SLC27A3: variants seen among roughly 807,000 people sequenced by gnomAD.
SLC27A3 encodes solute carrier family 27 member 3.
Under a neutral mutation model 60.1 loss-of-function variants are expected in SLC27A3, and 60 were observed. The observed-to-expected ratio is 1.00, with a 90% CI of 0.81 to 1.24. SLC27A3 has a LOEUF of 1.24. SLC27A3 is among the 50% of genes most tolerant of loss of function. The pLI, the probability that SLC27A3 is intolerant of heterozygous loss-of-function variation, is 0.00. For synonymous variants in SLC27A3, 455 were observed against 409.0 expected (o/e 1.11, Z -1.36); for missense variants, 1,079 against 929.9 (o/e 1.16, Z -2.09).
In SLC27A3 at chr1:153,779,532, A is replaced by T. The variant is rs933568626; in HGVS notation, c.1875+59A>T. On this transcript the variant is annotated intron_variant, in intron 9 of 9. Transcript: ENST00000624995. ...CCATATATCCTCACCCCACATATCC[A>T]CCCCGTGTATCAACTTAGGAGTTTG... 3 of 1,555,766 alleles carry T rather than the reference A, an allele frequency of 1.9e-6. No individual in the cohort carries two copies. The African/African-American group carries it at 4.2e-5, about 22-fold the overall frequency.
rs200975179 is a variant in SLC27A3, at chr1:153,775,763, G to T, written c.266G>T (p.Arg89Leu). The T allele has an allele frequency of 2.0e-5, 30 of 1,505,240 alleles. No individual in the cohort carries two copies. The Admixed American group carries it at 3.0e-4, about 15-fold the overall frequency. The allele number at this position is 1,505,240 out of a possible 1,614,324, so 93.2% of individuals were successfully genotyped here. A position where few individuals can be genotyped will look rare whatever the true frequency, so the allele number is the denominator to read the frequency against. ...AAHTFLIHGS[R>L]RFSYSEAERE... The stretch of plus-strand genomic sequence containing the variant: ...CACACCTTTCTCATTCACGGCTCGC[G>T]GCGCTTTAGCTACTCAGAGGCGGAG... The change falls in exon 1 of 10, where the codon CGG becomes CTG. Residue 89 changes from arginine (R) to leucine (L), a missense_variant. Arg to Leu is a moderately radical substitution (Grantham distance 102). Coordinates refer to ENST00000624995, the MANE Select transcript of SLC27A3 (RefSeq NM_024330.4).
intron 6 of SLC27A3, 61 bp downstream of exon 6, chr1:153,778,614 G>A: frequency 3.7e-6 from 6 of 1,608,858 alleles, no homozygotes; most frequent in Non-Finnish European, 5.1e-6. Context: ...GACTGGAATT[G>A]GAGACTGGGG....
rs1347591650 is a variant in SLC27A3, at chr1:153,779,485, C to G, written c.1875+12C>G. The G allele has an allele frequency of 2.5e-6, 4 of 1,608,472 alleles. No homozygotes were observed. The East Asian group carries it at 8.9e-5, about 36-fold the overall frequency. On this transcript the variant is annotated intron_variant, in intron 9 of 9. Coordinates refer to ENST00000624995, the MANE Select transcript of SLC27A3 (RefSeq NM_024330.4). ...TCCTCAGGCTCCAGGTAACCGGCCACTTCCCCCGCCGGCCCCTCACCCCAT... is the reference window on the plus strand; with the variant it reads ...TCCTCAGGCTCCAGGTAACCGGCCAGTTCCCCCGCCGGCCCCTCACCCCAT...
chr1:153,776,994 G>A, intron 2 of SLC27A3, 68 bp from the exon 3 acceptor site: 2 of 1,551,646 alleles, frequency 1.3e-6, no homozygotes, highest in Non-Finnish European at 1.8e-6. Context: ...CCCAGCGGGG[G>A]TGCAAACAGA....
Position 153,776,514 on chromosome 1 carries a change from C to G in SLC27A3, c.668-4C>G. On this transcript the variant is annotated splice_polypyrimidine_tract_variant and splice_region_variant and intron_variant, in intron 1 of 9. Transcript: ENST00000624995. Reference sequence around the variant, plus strand: ...CCCGGCGTTGTGCTTTCCCACCCTTCTAGAGTTTCTGGAGTCCCTGGAGCC... The same window carrying G: ...CCCGGCGTTGTGCTTTCCCACCCTTGTAGAGTTTCTGGAGTCCCTGGAGCC... 6.2e-7 allele frequency: 1 copy of G among 1,612,782 alleles called. No individual in the cohort carries two copies.
At position 153,778,867 on chromosome 1, in the gene SLC27A3, G is replaced by A. The variant is rs202116475; in HGVS notation, c.1628G>A (p.Arg543His). The A allele has an allele frequency of 2.7e-5, 44 of 1,614,130 alleles. No individual in the cohort carries two copies. The East Asian group carries it at 4.2e-4, about 16-fold the overall frequency. ...DDQGFLRFHDRTGDTFRWKGE... is the reference protein window; with the variant it reads ...DDQGFLRFHDHTGDTFRWKGE... ...CAAGGTTTTCTCCGCTTCCATGATC[G>A]TACTGGAGACACCTTCAGGTATCTG... is the stretch of plus-strand genomic sequence containing the variant. The change falls in exon 7 of 10, where the codon CGT becomes CAT. Residue 543 changes from arginine (R) to histidine (H), a missense_variant. By Grantham distance (29) the Arg-to-His change is conservative. Coordinates refer to ENST00000624995, the MANE Select transcript of SLC27A3 (RefSeq NM_024330.4).
At chr1:153,776,985 C>A in intron 2 of SLC27A3, 77 bp from the exon 3 acceptor site, 1 of 1,511,474 alleles carries the variant, frequency 6.6e-7, no homozygotes, top group Non-Finnish European at 9.1e-7. Flanking sequence ...TGTGGGAAAC[C>A]CAGCGGGGGT....
rs753336934 is a variant in SLC27A3, at chr1:153,775,491, G to A, written c.-7G>A. The A allele has an allele frequency of 1.2e-6, 2 of 1,613,252 alleles. No individual in the cohort carries two copies. The highest frequency in any genetic ancestry group is 1.7e-6 in the Non-Finnish European group (2 of 1,180,032). On this transcript the variant is annotated 5_prime_UTR_variant, in exon 1 of 10. Transcript: ENST00000624995. Reference sequence around the variant, plus strand: ...ACCAGACGGTGCCGATAGAGGAAGCGGGCTCCATGGCTGCCCTCCTGCTGC... The same window carrying A: ...ACCAGACGGTGCCGATAGAGGAAGCAGGCTCCATGGCTGCCCTCCTGCTGC...
chr1:153,779,084 TC>T (rs1288201023), intron 7 of SLC27A3, 29 bp from the exon 8 acceptor site: 1 of 1,609,904 alleles, frequency 6.2e-7, no homozygotes, highest in East Asian at 2.2e-5. Flanking sequence ...GACCCCTGAC[TC>T]CCAGTTTCAG....
chr1:153,776,705 C>T lies in SLC27A3; in HGVS notation c.855C>T (p.Tyr285=). The T allele has an allele frequency of 1.2e-6, 2 of 1,614,114 alleles. No individual in the cohort carries two copies. The highest frequency in any genetic ancestry group is 8.5e-7 in the Non-Finnish European group (1 of 1,179,974). ...SPQSITDTCL[Y]IFTSGTTGLP... The stretch of plus-strand genomic sequence containing the variant: ...AGAGCATAACAGACACGTGCCTGTA[C>T]ATCTTCACCTCTGGCACCACGGGTG... Residue 285 remains tyrosine, a synonymous_variant, in exon 2 of 10, where the codon TAC becomes TAT. Transcript: ENST00000624995.
At position 153,777,749 on chromosome 1, in the gene SLC27A3, C is replaced by T. The variant is rs753615667; in HGVS notation, c.1037-12C>T. 2.5e-6 allele frequency: 4 copies of T among 1,613,898 alleles called. No homozygotes were observed. Among genetic ancestry groups the T allele is most frequent in the Non-Finnish European group, 2.5e-6 (3 of 1,179,962 alleles). On this transcript the variant is annotated splice_polypyrimidine_tract_variant and intron_variant, in intron 3 of 9. Coordinates refer to ENST00000624995, the MANE Select transcript of SLC27A3 (RefSeq NM_024330.4). ...CTTACCTCCCTTCTTCCCCCCTGCC[C>T]ACTTCTGGCAGGGGCCACAGTGGTG...
At position 153,778,188 on chromosome 1, in the gene SLC27A3, C is replaced by T. The variant is rs147176615; in HGVS notation, c.1189C>T (p.Arg397Trp). ...PSKAERGHKV[R>W]LAVGSGLRPD... is the part of the protein sequence containing the mutation. ...CAAGGCAGAACGTGGCCATAAGGTC[C>T]GGCTGGCAGTGGGCAGCGGGCTGCG... Residue 397 changes from arginine to tryptophan, a missense_variant, in exon 5 of 10, where the codon CGG (arginine) becomes TGG (tryptophan). By Grantham distance (101) the Arg-to-Trp change is moderately radical. Transcript: ENST00000624995. 663 of 1,611,426 alleles carry T rather than the reference C, an allele frequency of 4.1e-4. 1 individual carries two copies. The African/African-American group carries it at 5.2e-3, about 13-fold the overall frequency.
intron 7 of SLC27A3, 110 bp from the exon 8 acceptor site, chr1:153,779,004 C>A: frequency 6.9e-7 from 1 of 1,453,028 alleles, no homozygotes; most frequent in Non-Finnish European, 9.7e-7. Flanking sequence ...CTCTCATTCT[C>A]AGATCTCACC....
intron 9 of SLC27A3, 109 bp downstream of exon 9, chr1:153,779,582 A>T: frequency 7.7e-7 from 1 of 1,299,994 alleles, no homozygotes. Context: ...CCACAAAGGG[A>T]CCCCCAACGT....
chr1:153,776,828 A>C, intron 2 of SLC27A3, 101 bp downstream of exon 2: 1 of 1,163,844 alleles, frequency 8.6e-7, no homozygotes, highest in Non-Finnish European at 1.2e-6. Flanking sequence ...GAGGATGCTG[A>C]TTTCATTGGC....
rs778629923 is a variant in SLC27A3 at position 153,776,017 on chromosome 1, C to T, written c.520C>T (p.Leu174Phe). 1.6e-5 allele frequency: 23 copies of T among 1,452,016 alleles called. No individual in the cohort carries two copies. Among genetic ancestry groups the T allele is most frequent in the South Asian group, 4.4e-5 (3 of 68,948 alleles). The allele number at this position is 1,452,016 out of a possible 1,614,324, so 89.9% of individuals were successfully genotyped here. The change falls in exon 1 of 10, where the codon CTC (leucine) becomes TTC (phenylalanine). Residue 174 changes from leucine (L) to phenylalanine (F), a missense_variant. Coordinates refer to ENST00000624995, the MANE Select transcript of SLC27A3 (RefSeq NM_024330.4). ...LSPGATVALL[L>F]PAGPEFLWLW... The stretch of plus-strand genomic sequence containing the variant: ...ACCTGGAGCAACTGTGGCGCTGCTC[C>T]TCCCCGCTGGCCCAGAGTTTCTGTG...
chr1:153,778,107 C>T lies in SLC27A3; in HGVS notation c.1162-54C>T. 9 of 1,557,062 alleles carry T rather than the reference C, an allele frequency of 5.8e-6. No individual in the cohort carries two copies. In the South Asian group the frequency reaches 1.1e-4, roughly 18 times the overall value. On this transcript the variant is annotated intron_variant, in intron 4 of 9. Transcript: ENST00000624995. ...GGGAATGGGGAACAGGAATTCACTT[C>T]CGGGAGCGGGCATCTTGATGCTGAA...
Position 153,778,186 on chromosome 1 carries a change from T to A in SLC27A3, c.1187T>A (p.Val396Asp). The change falls in exon 5 of 10, where the codon GTC becomes GAC. Residue 396 changes from valine to aspartate, a missense_variant. Val to Asp is a radical substitution (Grantham distance 152). Transcript: ENST00000624995. The stretch of plus-strand genomic sequence containing the variant: ...AGCAAGGCAGAACGTGGCCATAAGG[T>A]CCGGCTGGCAGTGGGCAGCGGGCTG... ...PPSKAERGHK[V>D]RLAVGSGLRP... 1 of 1,611,356 alleles carries A rather than the reference T, an allele frequency of 6.2e-7. No homozygotes were observed. The highest frequency in any genetic ancestry group is 8.5e-7 in the Non-Finnish European group (1 of 1,179,840).
At position 153,775,554 on chromosome 1, in the gene SLC27A3, G is replaced by C. The variant is rs920619971; in HGVS notation, c.57G>C (p.Lys19Asn). Residue 19 changes from lysine to asparagine, a missense_variant, in exon 1 of 10, where the codon AAG (lysine) becomes AAC (asparagine). By Grantham distance (94) the Lys-to-Asn change is moderately conservative. Transcript: ENST00000624995. ...TGTTGCTACCGCTGCTGCTGCTGAA[G>C]CTACACCTCTGGCCGCAGTTGCGCT... is the stretch of plus-strand genomic sequence containing the variant. ...LLLLLPLLLL[K>N]LHLWPQLRWL... 1 of 1,611,928 alleles carries C rather than the reference G, an allele frequency of 6.2e-7. No individual in the cohort carries two copies. Among genetic ancestry groups the C allele is most frequent in the South Asian group, 1.1e-5 (1 of 91,076 alleles).
Sources: gnomAD v4.1 joint callset for allele counts on GRCh38, gnomAD v4.1.1 for gene constraint, MANE v1.5 for transcripts, NCBI Gene and HGNC (gene_info 2026-07-23, HGNC 2026-07-21) for gene names.